The following ST8SIA5 variants were observed in gnomAD, a reference collection of about 807,000 sequenced individuals.
The protein encoded by ST8SIA5 is ST8 alpha-N-acetyl-neuraminide alpha-2,8-sialyltransferase 5.
In ST8SIA5, 24 loss-of-function variants were observed where a neutral mutation model predicts 40.2. The ratio of observed to expected loss-of-function variants is 0.60; its 90% CI spans 0.43 to 0.84. The LOEUF (loss-of-function observed/expected upper bound fraction) is 0.84. Ranked by LOEUF, ST8SIA5 falls within the 40% of genes least tolerant of loss-of-function variation. ST8SIA5 has a pLI of 0.00. For missense variants in ST8SIA5, 465 were observed against 498.5 expected (o/e 0.93, Z 0.64); for synonymous variants, 198 against 201.8 (o/e 0.98, Z 0.16).
chr18:46,696,580 C>A (rs1299425725), intron 2 of ST8SIA5, among the ~76,000 whole-genome samples: 2 of 152,238 alleles, frequency 1.3e-5, no homozygotes, highest in Non-Finnish European at 2.9e-5. Flanking sequence ...TTTAATCTCT[C>A]TGAGACTCAG....
intron 1 of ST8SIA5, among the ~76,000 whole-genome samples, chr18:46,718,227 G>A (rs1311725622): frequency 1.3e-5 from 2 of 151,800 alleles, no homozygotes; most frequent in Non-Finnish European, 2.9e-5. Context: ...CTACTCAGTA[G>A]GCTGAGGGAG....
At position 46,668,904 on chromosome 18, in the gene ST8SIA5, GC is replaced by G. The variant is rs2039292083; in HGVS notation, c.*11137del. The G allele has an allele frequency of 6.6e-6, 1 of 152,402 alleles. No homozygotes were observed. Among genetic ancestry groups the G allele is most frequent in the African/African-American group, 2.4e-5 (1 of 41,482 alleles). 9.4% of individuals were successfully genotyped at this position (152,402 alleles called of 1,614,324 possible). A position where few individuals can be genotyped will look rare whatever the true frequency, so the allele number is the denominator to read the frequency against. On this transcript the variant is annotated 3_prime_UTR_variant, in exon 7 of 7. Transcript: ENST00000315087. Reference sequence around the variant, plus strand: ...AGTCCGGGGTAGTCTGGCAGGAGCTGCCACTTGGGACCCCTCCAGCTGCCTC... The same window carrying G: ...AGTCCGGGGTAGTCTGGCAGGAGCTGCACTTGGGACCCCTCCAGCTGCCTC...
chr18:46,692,048 A>C (rs1299380206), intron 3 of ST8SIA5, 121 bp downstream of exon 3: 8 of 998,202 alleles, frequency 8.0e-6, no homozygotes, highest in Non-Finnish European at 1.3e-5. Flanking sequence ...AAGCCCAGTC[A>C]GGGTCTGCTC....
chr18:46,749,880 T>C (rs2040179955), intron 1 of ST8SIA5, among the ~76,000 whole-genome samples: 1 of 152,138 alleles, frequency 6.6e-6, no homozygotes, highest in African/African-American at 2.4e-5. Flanking sequence ...CAAATGGGAT[T>C]GGTGCCCACA....
rs147016924 is a variant in ST8SIA5, at chr18:46,688,225, A to T, written c.456+550T>A. On this transcript the variant is annotated intron_variant, in intron 4 of 6. Coordinates refer to ENST00000315087, the MANE Select transcript of ST8SIA5 (RefSeq NM_013305.6). ...TGTGAAAGGAAAAAAATAAATATCT[A>T]TCTTGATTAAGACTCTGATATTTTA... Among the ~76,000 whole-genome samples, 642 of 152,310 alleles carry T rather than the reference A, an allele frequency of 4.2e-3. 4 individuals carry two copies. The highest frequency in any genetic ancestry group is 0.015 in the African/African-American group (614 of 41,576).
Position 46,756,988 on chromosome 18 carries a change from C to T in ST8SIA5, c.-480G>A. On this transcript the variant is annotated 5_prime_UTR_variant, in exon 1 of 7. Transcript: ENST00000315087. ...CCAGCGCGCTGTGCCCTGCCGGGGGCGGGCCACGTTTGATCTCCGGGCCCG... is the reference window on the plus strand; with the variant it reads ...CCAGCGCGCTGTGCCCTGCCGGGGGTGGGCCACGTTTGATCTCCGGGCCCG... 1 of 156,492 alleles carries T rather than the reference C, an allele frequency of 6.4e-6. No individual in the cohort carries two copies. The allele number at this position is 156,492 out of a possible 1,614,324, so 9.7% of individuals were successfully genotyped here. A position where few individuals can be genotyped will look rare whatever the true frequency, so the allele number is the denominator to read the frequency against.
At chr18:46,729,859 T>G (rs1002026968) in intron 1 of ST8SIA5, among the ~76,000 whole-genome samples, 3 of 117,216 alleles carry the variant, frequency 2.6e-5, no homozygotes, top group African/African-American at 3.6e-5. Context: ...CTTGCACAGG[T>G]GGGGTCCTCG....
rs1335555135 is a variant in ST8SIA5, at chr18:46,672,361, A to G, written c.*7681T>C. The G allele has an allele frequency of 6.6e-6, 1 of 152,192 alleles. No individual in the cohort carries two copies. Among genetic ancestry groups the G allele is most frequent in the Non-Finnish European group, 1.5e-5 (1 of 68,036 alleles). The allele number at this position is 152,192 out of a possible 1,614,324, so 9.4% of individuals were successfully genotyped here. A position where few individuals can be genotyped will look rare whatever the true frequency, so the allele number is the denominator to read the frequency against. On this transcript the variant is annotated 3_prime_UTR_variant, in exon 7 of 7. Transcript: ENST00000315087. ...GCTGAATCAGATCCTCCGGGAAGTA[A>G]AGGACCTGGCTTGGGGATTATTTTA...
chr18:46,683,979 T>C (rs2039422406), intron 5 of ST8SIA5, among the ~76,000 whole-genome samples: 1 of 151,914 alleles, frequency 6.6e-6, no homozygotes. Context: ...TCGTTCCTAG[T>C]GCAATAGCAT....
chr18:46,756,413 C>T lies in ST8SIA5; in HGVS notation c.96G>A (p.Leu32=). The change falls in exon 1 of 7, where the codon CTG becomes CTA. Residue 32 remains leucine, a synonymous_variant. Coordinates refer to ENST00000315087, the MANE Select transcript of ST8SIA5 (RefSeq NM_013305.6). ...AGTTCCTGCCATACAGGATCTGTTG[C>T]AGCAAGGTCACCAAGGCAAAGGCGC... ...FICAFALVTL[L]QQILYGRNYI... is the part of the protein sequence containing the mutation. 6.2e-6 allele frequency: 10 copies of T among 1,613,124 alleles called. No homozygotes were observed. The highest frequency in any genetic ancestry group is 5.5e-5 in the South Asian group (5 of 91,054).
Position 46,680,343 on chromosome 18 carries a change from A to T in ST8SIA5, c.830T>A (p.Phe277Tyr), listed in dbSNP as rs937248804. 1 of 1,614,228 alleles carries T rather than the reference A, an allele frequency of 6.2e-7. No homozygotes were observed. Among genetic ancestry groups the T allele is most frequent in the Non-Finnish European group, 8.5e-7 (1 of 1,180,030 alleles). The change falls in exon 7 of 7, where the codon TTC becomes TAC. Residue 277 changes from phenylalanine to tyrosine, a missense_variant. By Grantham distance (22) the Phe-to-Tyr change is conservative. Transcript: ENST00000315087. The part of the protein sequence containing the change: ...DFESPQAVYY[F>Y]HPQYLVNVSR... ...CACGTTGACCAGGTACTGCGGATGG[A>T]AGTAGTAGACAGCTTGCGGCGATTC...
In ST8SIA5 at chr18:46,670,068, CA is replaced by C. The variant is rs372441557; in HGVS notation, c.*9973del. 2.0e-3 allele frequency: 268 copies of C among 134,154 alleles called. No homozygotes were observed. The highest frequency in any genetic ancestry group is 1.8e-3 in the Non-Finnish European group (113 of 61,546). The allele number at this position is 134,154 out of a possible 1,614,324, so 8.3% of individuals were successfully genotyped here. On this transcript the variant is annotated 3_prime_UTR_variant, in exon 7 of 7. Coordinates refer to ENST00000315087, the MANE Select transcript of ST8SIA5 (RefSeq NM_013305.6). ...TGGGTGACAGAGTGAGACTCCATCT[CA>C]AAAAAAAAAAAAGAGTGAGTTTACC...
At chr18:46,710,417 T>TTCTTTCTTTC (rs1166568029) in intron 1 of ST8SIA5, among the ~76,000 whole-genome samples, 1 of 90,374 alleles carries the variant, frequency 1.1e-5, no homozygotes, top group Non-Finnish European at 2.5e-5. Context: ...CTTTCTTTCT[T>TTCTTTCTTTC]TTTCTTTCTC....
chr18:46,740,231 G>A (rs1227360388), intron 1 of ST8SIA5, among the ~76,000 whole-genome samples: 3 of 152,116 alleles, frequency 2.0e-5, no homozygotes, highest in South Asian at 2.1e-4. Context: ...AGCCAATCTC[G>A]GTGATTCATG....
chr18:46,728,717 G>GC (rs879723300), intron 1 of ST8SIA5, among the ~76,000 whole-genome samples: 8 of 152,070 alleles, frequency 5.3e-5, no homozygotes, highest in East Asian at 1.9e-4. Context: ...TCAGGCTGAG[G>GC]CCCCCCCACA....
rs944867066 is a variant in ST8SIA5 at position 46,678,438 on chromosome 18, A to G, written c.*1604T>C. 3 of 152,352 alleles carry G rather than the reference A, an allele frequency of 2.0e-5. No individual in the cohort carries two copies. Among genetic ancestry groups the G allele is most frequent in the Non-Finnish European group, 4.4e-5 (3 of 68,176 alleles). The allele number at this position is 152,352 out of a possible 1,614,324, so 9.4% of individuals were successfully genotyped here. On this transcript the variant is annotated 3_prime_UTR_variant, in exon 7 of 7. Coordinates refer to ENST00000315087, the MANE Select transcript of ST8SIA5 (RefSeq NM_013305.6). Reference sequence around the variant, plus strand: ...CTGGCTCAGCCGGGGGGCCTGTCAAATGAGGTGATTGGATAGCAGATCCCA... The same window carrying G: ...CTGGCTCAGCCGGGGGGCCTGTCAAGTGAGGTGATTGGATAGCAGATCCCA...
At position 46,734,375 on chromosome 18, in the gene ST8SIA5, C is replaced by T. The variant is rs116362067; in HGVS notation, c.131+22003G>A. Reference sequence around the variant, plus strand: ...GAGGGAGGAGAGGAACGGAGAGACCCCCAACCCCTAGGCCGTTCCCCACCT... The same window carrying T: ...GAGGGAGGAGAGGAACGGAGAGACCTCCAACCCCTAGGCCGTTCCCCACCT... On this transcript the variant is annotated intron_variant, in intron 1 of 6. Transcript: ENST00000315087. 6.9e-3 allele frequency among the ~76,000 whole-genome samples: 1,046 copies of T among 152,060 alleles called. 15 individuals are homozygous for T. Among genetic ancestry groups the T allele is most frequent in the Middle Eastern group, 0.034 (10 of 294 alleles).
rs1006261638 is a variant in ST8SIA5, at chr18:46,667,998, C to T, written c.*12044G>A. The T allele has an allele frequency of 6.6e-6, 1 of 152,242 alleles. No homozygotes were observed. The highest frequency in any genetic ancestry group is 1.5e-5 in the Non-Finnish European group (1 of 68,066). The allele number at this position is 152,242 out of a possible 1,614,324, so 9.4% of individuals were successfully genotyped here. A position where few individuals can be genotyped will look rare whatever the true frequency, so the allele number is the denominator to read the frequency against. On this transcript the variant is annotated 3_prime_UTR_variant, in exon 7 of 7. Transcript: ENST00000315087. ...ATTATGCTACAGGAGTTTGTATAAA[C>T]CACTGCTCCCAGAACAAAATTTGCA...
chr18:46,750,433 G>C (rs1475007100), intron 1 of ST8SIA5, among the ~76,000 whole-genome samples: 1 of 152,122 alleles, frequency 6.6e-6, no homozygotes, highest in Non-Finnish European at 1.5e-5. Flanking sequence ...GCCCCTCATT[G>C]TGGAAAATCT....
Sources: allele counts gnomAD v4.1 joint callset (sites outside exome capture counted in the v4.1 genomes callset), GRCh38; gene constraint gnomAD v4.1.1; transcripts MANE v1.5; gene names NCBI Gene and HGNC (gene_info 2026-07-23, HGNC 2026-07-21).